NEGR1: variants seen among roughly 807,000 people sequenced by gnomAD.
NEGR1 encodes IgLON family member 4.
A neutral mutation model predicts 40.9 loss-of-function variants in NEGR1; 10 were observed. The ratio of observed to expected loss-of-function variants is 0.24; its 90% CI spans 0.15 to 0.42. The LOEUF (loss-of-function observed/expected upper bound fraction) is 0.42. Among genes scored for constraint, NEGR1 ranks in the 10% least tolerant of loss-of-function variants. The pLI, the probability that NEGR1 is intolerant of heterozygous loss-of-function variation, is 1.00. For synonymous variants in NEGR1, 185 were observed against 166.8 expected (o/e 1.11, Z -0.84); for missense variants, 352 against 438.9 (o/e 0.80, Z 1.77).
intron 1 of NEGR1, among the ~76,000 whole-genome samples, chr1:72,240,985 T>TA (rs932374599): frequency 3.3e-5 from 5 of 151,790 alleles, no homozygotes; most frequent in Non-Finnish European, 4.4e-5. Context: ...TAAAATTAGA[T>TA]AAAAAAACTG....
intron 6 of NEGR1, among the ~76,000 whole-genome samples, chr1:71,435,992 CTA>C (rs1646506651): frequency 2.0e-5 from 3 of 152,102 alleles, no homozygotes; most frequent in Non-Finnish European, 4.4e-5. Context: ...ACACAGTACT[CTA>C]TGTAAAGGAT....
chr1:71,407,739 A>G (rs1472431548), intron 6 of NEGR1, 169 bp from the exon 7 acceptor site: 1 of 566,760 alleles, frequency 1.8e-6, no homozygotes, highest in Non-Finnish European at 3.2e-6. Context: ...CTATGTGGCT[A>G]ACTTCTCAGA....
At chr1:71,925,006 C>T (rs1274320970) in intron 2 of NEGR1, among the ~76,000 whole-genome samples, 1 of 151,802 alleles carries the variant, frequency 6.6e-6, no homozygotes, top group Non-Finnish European at 1.5e-5. Flanking sequence ...GAAAGAAATA[C>T]GTGCATTTAT....
intron 1 of NEGR1, among the ~76,000 whole-genome samples, chr1:72,089,388 AT>A (rs150000216): frequency 2.1e-4 from 32 of 152,342 alleles, no homozygotes; most frequent in African/African-American, 7.7e-4. Flanking sequence ...CTGACTCATG[AT>A]AAACATATAA....
chr1:71,587,497 C>T (rs1439823899), intron 6 of NEGR1, among the ~76,000 whole-genome samples: 1 of 152,098 alleles, frequency 6.6e-6, no homozygotes, highest in Non-Finnish European at 1.5e-5. Flanking sequence ...GCCCTGACTG[C>T]ATAAAGCATT....
chr1:71,459,698 C>T (rs923875240), intron 6 of NEGR1, among the ~76,000 whole-genome samples: 1 of 152,190 alleles, frequency 6.6e-6, no homozygotes, highest in Non-Finnish European at 1.5e-5. Flanking sequence ...GTAACTGTGT[C>T]CTGTCAGAAC....
At chr1:71,426,383 T>C (rs146301668) in intron 6 of NEGR1, among the ~76,000 whole-genome samples, 1 of 152,244 alleles carries the variant, frequency 6.6e-6, no homozygotes, top group East Asian at 1.9e-4. Flanking sequence ...CTAAATCTTT[T>C]TATGTAGATG....
chr1:72,163,712 T>C (rs1433532841), intron 1 of NEGR1, among the ~76,000 whole-genome samples: 1 of 149,054 alleles, frequency 6.7e-6, no homozygotes, highest in East Asian at 2.0e-4. Context: ...ATAGCTAGAT[T>C]ACATAGACAG....
At chr1:71,815,627 T>C (rs1658175799) in intron 2 of NEGR1, among the ~76,000 whole-genome samples, 1 of 152,088 alleles carries the variant, frequency 6.6e-6, no homozygotes, top group Non-Finnish European at 1.5e-5. Flanking sequence ...TACTTAGTTC[T>C]TCTTGTTGAG....
intron 2 of NEGR1, among the ~76,000 whole-genome samples, chr1:71,816,585 A>G (rs1260647704): frequency 2.0e-5 from 3 of 151,816 alleles, no homozygotes; most frequent in Admixed American, 6.6e-5. Flanking sequence ...ATAAATACAC[A>G]CCCCCAAGAT....
intron 5 of NEGR1, among the ~76,000 whole-genome samples, chr1:71,601,262 A>G (rs1300149414): frequency 2.6e-5 from 4 of 152,234 alleles, no homozygotes; most frequent in African/African-American, 9.6e-5. Flanking sequence ...TAAAACCACA[A>G]TGAAATACCA....
intron 1 of NEGR1, among the ~76,000 whole-genome samples, chr1:72,199,964 A>G (rs1377657103): frequency 6.6e-6 from 1 of 151,998 alleles, no homozygotes; most frequent in Non-Finnish European, 1.5e-5. Context: ...GCAAATCAAA[A>G]CCACAATGAG....
At chr1:71,620,438 CA>C (rs1650575250) in intron 4 of NEGR1, among the ~76,000 whole-genome samples, 1 of 151,710 alleles carries the variant, frequency 6.6e-6, no homozygotes, top group Non-Finnish European at 1.5e-5. Context: ...AAGATGTGTT[CA>C]ATATATTATT....
chr1:72,242,765 G>A (rs189124633), intron 1 of NEGR1, among the ~76,000 whole-genome samples: 57 of 151,698 alleles, frequency 3.8e-4, no homozygotes, highest in Admixed American at 1.4e-3. Context: ...TGTCTGATGA[G>A]TAAATCAAAG....
intron 1 of NEGR1, among the ~76,000 whole-genome samples, chr1:71,970,954 G>A (rs764044178): frequency 1.3e-5 from 2 of 152,114 alleles, no homozygotes; most frequent in African/African-American, 4.8e-5. Context: ...CAAAACCTCA[G>A]AATTTTACCT....
At chr1:72,258,477 C>T (rs1238433712) in intron 1 of NEGR1, among the ~76,000 whole-genome samples, 3 of 151,826 alleles carry the variant, frequency 2.0e-5, no homozygotes, top group Admixed American at 6.6e-5. Context: ...TTATCGCTGA[C>T]TTAGAGTGAA....
intron 1 of NEGR1, among the ~76,000 whole-genome samples, chr1:72,122,920 T>C (rs1266956957): frequency 6.6e-6 from 1 of 151,914 alleles, no homozygotes; most frequent in African/African-American, 2.4e-5. Context: ...CTATATTCCA[T>C]AACGGCACCA....
chr1:72,177,352 G>A (rs12098164), intron 1 of NEGR1, among the ~76,000 whole-genome samples: 2 of 152,018 alleles, frequency 1.3e-5, no homozygotes, highest in Non-Finnish European at 2.9e-5. Flanking sequence ...AAATTTACCA[G>A]AATGCAGTGG....
intron 6 of NEGR1, among the ~76,000 whole-genome samples, chr1:71,467,968 C>A (rs905840438): frequency 1.3e-5 from 2 of 151,884 alleles, no homozygotes; most frequent in African/African-American, 4.8e-5. Flanking sequence ...ATTATTACAT[C>A]TTTTACCATA....
Sources: gnomAD v4.1 joint callset for allele counts (sites outside exome capture counted in the v4.1 genomes callset) on GRCh38, gnomAD v4.1.1 for gene constraint, MANE v1.5 for transcripts, NCBI Gene and HGNC (gene_info 2026-07-23, HGNC 2026-07-21) for gene names.